Variants in ENPEP observed in about 807,000 individuals in gnomAD.
ENPEP encodes the protein glutamyl aminopeptidase, also known as AP-A.
A neutral mutation model predicts 114.5 loss-of-function variants in ENPEP; 103 were observed. The ratio of observed to expected loss-of-function variants is 0.90; its 90% CI spans 0.77 to 1.06. The LOEUF is 1.06. Ranked by LOEUF, ENPEP falls within the 50% of genes least tolerant of loss-of-function variation. The pLI is 0.00. For synonymous variants in ENPEP, 420 were observed against 422.0 expected (o/e 1.00, Z 0.06); for missense variants, 1,196 against 1,161.3 (o/e 1.03, Z -0.43).
chr4:110,496,697 C>T (rs1378811512), intron 3 of ENPEP, among the ~76,000 whole-genome samples: 2 of 152,042 alleles, frequency 1.3e-5, no homozygotes, highest in Non-Finnish European at 2.9e-5. Flanking sequence ...TCAGGTATTT[C>T]GTAGAAAGTT....
intron 4 of ENPEP, among the ~76,000 whole-genome samples, chr4:110,508,760 G>A (rs1725468216): frequency 6.6e-6 from 1 of 152,102 alleles, no homozygotes; most frequent in Admixed American, 6.5e-5. Context: ...GCAGTGAGCC[G>A]AGATCGCACC....
At chr4:110,535,313 G>A (rs1726569595) in intron 11 of ENPEP, among the ~76,000 whole-genome samples, 1 of 152,104 alleles carries the variant, frequency 6.6e-6, no homozygotes, top group African/African-American at 2.4e-5. Context: ...TGTCCAGTCA[G>A]TTTCTATAGA....
intron 7 of ENPEP, among the ~76,000 whole-genome samples, chr4:110,514,812 A>G (rs189364608): frequency 1.2e-4 from 18 of 152,246 alleles, no homozygotes; most frequent in Admixed American, 7.9e-4. Flanking sequence ...CAGAGCCAAG[A>G]TGTTCATCAG....
At chr4:110,490,286 T>G (rs1259706677) in intron 2 of ENPEP, among the ~76,000 whole-genome samples, 2 of 152,204 alleles carry the variant, frequency 1.3e-5, no homozygotes, top group Non-Finnish European at 2.9e-5. Flanking sequence ...TACAAGGGCA[T>G]GCACACCCGT....
chr4:110,478,218 A>T (rs1250542647), intron 1 of ENPEP, among the ~76,000 whole-genome samples: 1 of 152,238 alleles, frequency 6.6e-6, no homozygotes, highest in Non-Finnish European at 1.5e-5. Flanking sequence ...GGACTAAAAC[A>T]AAACATTTAA....
intron 11 of ENPEP, among the ~76,000 whole-genome samples, chr4:110,538,992 C>T (rs1387263828): frequency 6.6e-6 from 1 of 152,088 alleles, no homozygotes; most frequent in African/African-American, 2.4e-5. Flanking sequence ...GGGTGTGGTT[C>T]GTGGCTCCCC....
chr4:110,536,844 C>T (rs1726652809), intron 11 of ENPEP, among the ~76,000 whole-genome samples: 1 of 152,044 alleles, frequency 6.6e-6, no homozygotes, highest in Admixed American at 6.6e-5. Context: ...ATATTAAAGC[C>T]ACAGGCATAC....
intron 3 of ENPEP, among the ~76,000 whole-genome samples, chr4:110,501,249 T>G (rs555183842): frequency 6.6e-6 from 1 of 152,342 alleles, no homozygotes; most frequent in African/African-American, 2.4e-5. Flanking sequence ...ATCTATGACC[T>G]GATTTTTTTA....
At chr4:110,540,933 T>A (rs1267009985) in intron 11 of ENPEP, among the ~76,000 whole-genome samples, 1 of 152,150 alleles carries the variant, frequency 6.6e-6, no homozygotes, top group Non-Finnish European at 1.5e-5. Flanking sequence ...GGTCAAGTGA[T>A]CTGGCCAAGG....
At chr4:110,559,861 G>T in intron 19 of ENPEP, 136 bp downstream of exon 19, 1 of 674,842 alleles carries the variant, frequency 1.5e-6, no homozygotes, top group South Asian at 1.8e-5. Context: ...GTGCCATGGT[G>T]GTTTGCTGCA....
chr4:110,491,240 T>G, intron 3 of ENPEP, 76 bp downstream of exon 3: 1 of 1,433,282 alleles, frequency 7.0e-7, no homozygotes, highest in South Asian at 1.4e-5. Context: ...GGGTAGTTTT[T>G]TTTTTTTTTT....
At chr4:110,552,382 A>T (rs150656838) in intron 17 of ENPEP, among the ~76,000 whole-genome samples, 135 of 152,252 alleles carry the variant, frequency 8.9e-4, no homozygotes, top group Non-Finnish European at 1.7e-3. Flanking sequence ...AAGGGTCTTG[A>T]TATATTAATA....
At chr4:110,546,133 C>T (rs1265451046) in intron 13 of ENPEP, among the ~76,000 whole-genome samples, 1 of 152,032 alleles carries the variant, frequency 6.6e-6, no homozygotes, top group Non-Finnish European at 1.5e-5. Context: ...ACTAAAATGT[C>T]TCACCTTAGT....
At chr4:110,489,803 C>T (rs1354046737) in intron 2 of ENPEP, among the ~76,000 whole-genome samples, 3 of 152,126 alleles carry the variant, frequency 2.0e-5, no homozygotes, top group African/African-American at 7.2e-5. Flanking sequence ...ATCAGAAGGA[C>T]ACCAGCCCCA....
rs747002660 is a variant in ENPEP at position 110,491,174 on chromosome 4, A to G, written c.918+10A>G. ...AAATAGTGGAAAACCTGTGAGTCTC[A>G]TTATATTTTAAAAATTTACCACCTA... On this transcript the variant is annotated intron_variant, in intron 3 of 19. Transcript: ENST00000265162. The G allele has an allele frequency of 6.3e-7, 1 of 1,579,742 alleles. No individual in the cohort carries two copies. Among genetic ancestry groups the G allele is most frequent in the Non-Finnish European group, 8.5e-7 (1 of 1,170,174 alleles).
intron 4 of ENPEP, among the ~76,000 whole-genome samples, chr4:110,508,280 AAAAAAAAAT>A (rs1725444309): frequency 1.3e-5 from 2 of 152,088 alleles, no homozygotes; most frequent in South Asian, 4.2e-4. Context: ...AAAAAAAAAA[AAAAAAAAAT>A]GAGATTGCAA....
chr4:110,543,201 T>C (rs1425915710), intron 13 of ENPEP, 131 bp downstream of exon 13: 11 of 877,910 alleles, frequency 1.3e-5, no homozygotes, highest in Middle Eastern at 2.6e-4. Flanking sequence ...TTTAAAACAT[T>C]ATTGTTTTCC....
chr4:110,527,117 A>C (rs1457266484), intron 10 of ENPEP, among the ~76,000 whole-genome samples: 1 of 152,088 alleles, frequency 6.6e-6, no homozygotes, highest in Non-Finnish European at 1.5e-5. Context: ...ACTACAGCAC[A>C]CTCAGGTGTT....
intron 8 of ENPEP, among the ~76,000 whole-genome samples, chr4:110,517,780 A>G (rs1467412102): frequency 6.6e-6 from 1 of 152,226 alleles, no homozygotes; most frequent in Non-Finnish European, 1.5e-5. Context: ...AATTTACACA[A>G]AACACCCAAA....
Sources: allele counts gnomAD v4.1 joint callset (sites outside exome capture counted in the v4.1 genomes callset), GRCh38; gene constraint gnomAD v4.1.1; transcripts MANE v1.5; gene names NCBI Gene and HGNC (gene_info 2026-07-23, HGNC 2026-07-21).